MCEE: variants seen among roughly 807,000 people sequenced by gnomAD.
The protein encoded by MCEE is methylmalonyl-CoA epimerase.
Under a neutral mutation model 12.9 loss-of-function variants are expected in MCEE, and 6 were observed. The ratio of observed to expected loss-of-function variants is 0.47; its 90% CI spans 0.26 to 0.92. The LOEUF is 0.92. Ranked by LOEUF, MCEE falls within the 40% of genes least tolerant of loss-of-function variation. The pLI is 0.16. For missense variants in MCEE, 214 were observed against 212.1 expected (o/e 1.01, Z -0.05); for synonymous variants, 78 against 77.9 (o/e 1.00, Z -0.01).
At chr2:71,126,568 C>CA (rs70959207) in intron 1 of MCEE, among the ~76,000 whole-genome samples, 5,284 of 71,988 alleles carry the variant, frequency 0.073, 327 homozygotes, top group East Asian at 0.37. Context: ...TACATTTTAC[C>CA]AAAAAAAAAA....
intron 2 of MCEE, among the ~76,000 whole-genome samples, chr2:71,121,742 T>G (rs1673104328): frequency 6.6e-6 from 1 of 150,614 alleles, no homozygotes; most frequent in Non-Finnish European, 1.5e-5. Context: ...GGGGGTGGGG[T>G]AGGGCTTAGA....
rs1331806007 is a variant in MCEE, at chr2:71,116,099, G to A, written c.379-5977C>T. ...GGGGCTATTTACTTTTCTTTTTTTT[G>A]AGATGGAGTCTTGCTCTGTGGCCCA... On this transcript the variant is annotated intron_variant, in intron 2 of 2. Coordinates refer to ENST00000244217, the MANE Select transcript of MCEE (RefSeq NM_032601.4). 8.0e-5 allele frequency among the ~76,000 whole-genome samples: 12 copies of A among 149,344 alleles called. 1 individual carries two copies. Among genetic ancestry groups the A allele is most frequent in the African/African-American group, 3.1e-4 (12 of 39,216 alleles).
In MCEE at chr2:71,124,562, A is replaced by G; in HGVS notation, c.41-19T>C. ...AAAAGCCCTGAAAAATTGAACAGCC[A>G]TTGATATCCTTCTTTTGAGAATTAA... On this transcript the variant is annotated intron_variant, in intron 1 of 2. Coordinates refer to ENST00000244217, the MANE Select transcript of MCEE (RefSeq NM_032601.4). 6.3e-7 allele frequency: 1 copy of G among 1,579,536 alleles called. No homozygotes were observed. Among genetic ancestry groups the G allele is most frequent in the South Asian group, 1.1e-5 (1 of 90,400 alleles).
rs543097003 is a variant in MCEE at position 71,129,311 on chromosome 2, G to A, written c.40+869C>T. Among the ~76,000 whole-genome samples the A allele has an allele frequency of 2.4e-3, 360 of 152,084 alleles. 1 individual carries two copies. Among genetic ancestry groups the A allele is most frequent in the Non-Finnish European group, 4.6e-3 (311 of 68,024 alleles). On this transcript the variant is annotated intron_variant, in intron 1 of 2. Transcript: ENST00000244217. ...AATATTCATTTATTTATAGTTTTAC[G>A]TTCCTATCTTGTGTATCACCTAAGA...
At chr2:71,129,974 C>T in intron 1 of MCEE, 1 of 647,586 alleles carries the variant, frequency 1.5e-6, no homozygotes, top group Non-Finnish European at 2.8e-6. Context: ...GGAAATGGGA[C>T]TCATGCACAA....
At chr2:71,125,211 A>ATATATT in intron 1 of MCEE, among the ~76,000 whole-genome samples, 15 of 48,608 alleles carry the variant, frequency 3.1e-4, no homozygotes, top group Admixed American at 6.6e-4. Context: ...ATATATATAT[A>ATATATT]TTTTTTTTTT....
rs548137128 is a variant in MCEE at position 71,127,098 on chromosome 2, T to G, written c.41-2555A>C. On this transcript the variant is annotated intron_variant, in intron 1 of 2. Transcript: ENST00000244217. Reference sequence around the variant, plus strand: ...CATGTGCAAATAAATGCATAAGATATTTAAAAACAGAAGTGTTAATAAAAA... The same window carrying G: ...CATGTGCAAATAAATGCATAAGATAGTTAAAAACAGAAGTGTTAATAAAAA... Among the ~76,000 whole-genome samples, 180 of 152,320 alleles carry G rather than the reference T, an allele frequency of 1.2e-3. 1 individual carries two copies. Among genetic ancestry groups the G allele is most frequent in the African/African-American group, 4.3e-3 (178 of 41,562 alleles).
At chr2:71,127,906 G>A (rs1276917428) in intron 1 of MCEE, among the ~76,000 whole-genome samples, 2 of 152,220 alleles carry the variant, frequency 1.3e-5, no homozygotes, top group Non-Finnish European at 2.9e-5. Context: ...GATTACAGGC[G>A]TGAGTCACCG....
intron 1 of MCEE, among the ~76,000 whole-genome samples, chr2:71,128,020 A>G (rs542047655): frequency 2.0e-5 from 3 of 152,366 alleles, no homozygotes; most frequent in African/African-American, 7.2e-5. Context: ...TTAGTCTGGT[A>G]AGTTTTCTCT....
intron 2 of MCEE, among the ~76,000 whole-genome samples, chr2:71,121,740 G>T (rs540028535): frequency 6.6e-6 from 1 of 151,526 alleles, no homozygotes; most frequent in Admixed American, 6.6e-5. Context: ...TGGGGGGTGG[G>T]GTAGGGCTTA....
chr2:71,128,623 G>A (rs1673291953), intron 1 of MCEE, among the ~76,000 whole-genome samples: 1 of 151,284 alleles, frequency 6.6e-6, no homozygotes, highest in Non-Finnish European at 1.5e-5. Flanking sequence ...TCCGCCTCCC[G>A]GGTTCAAGCG....
At chr2:71,126,678 C>G (rs764311545) in intron 1 of MCEE, among the ~76,000 whole-genome samples, 2 of 147,552 alleles carry the variant, frequency 1.4e-5, no homozygotes, top group Non-Finnish European at 3.0e-5. Context: ...TAAAAAGAGA[C>G]AGAGCTTTAT....
At chr2:71,115,027 A>T (rs1466068462) in intron 2 of MCEE, among the ~76,000 whole-genome samples, 1 of 152,194 alleles carries the variant, frequency 6.6e-6, no homozygotes, top group Non-Finnish European at 1.5e-5. Flanking sequence ...TAATTTTGAC[A>T]TTGCAACCCA....
chr2:71,113,672 A>C (rs913351096), intron 2 of MCEE, among the ~76,000 whole-genome samples: 1 of 152,214 alleles, frequency 6.6e-6, no homozygotes, highest in Non-Finnish European at 1.5e-5. Context: ...GGGGAAAAAA[A>C]GTAGTATTAG....
At chr2:71,112,735 C>T (rs1354771372) in intron 2 of MCEE, among the ~76,000 whole-genome samples, 2 of 152,180 alleles carry the variant, frequency 1.3e-5, no homozygotes, top group African/African-American at 2.4e-5. Context: ...TGTTGCCCGG[C>T]CTGGTGTAGT....
At chr2:71,119,879 A>C (rs1335271139) in intron 2 of MCEE, among the ~76,000 whole-genome samples, 1 of 146,974 alleles carries the variant, frequency 6.8e-6, no homozygotes. Flanking sequence ...TATAGCAAGA[A>C]TTTGTCTCTT....
intron 2 of MCEE, among the ~76,000 whole-genome samples, chr2:71,114,031 C>A (rs943876794): frequency 1.3e-5 from 2 of 151,822 alleles, no homozygotes; most frequent in East Asian, 3.9e-4. Context: ...GAACAGTAAT[C>A]TTCAAAAGTG....
At chr2:71,119,004 C>A (rs1010958427) in intron 2 of MCEE, among the ~76,000 whole-genome samples, 2 of 150,074 alleles carry the variant, frequency 1.3e-5, no homozygotes, top group African/African-American at 5.1e-5. Context: ...ATCCCAACAC[C>A]CTGCTTTAGG....
chr2:71,124,063 T>A (rs1392099837), intron 2 of MCEE, 143 bp downstream of exon 2: 2 of 655,918 alleles, frequency 3.0e-6, no homozygotes, highest in African/African-American at 3.6e-5. Flanking sequence ...AGGATCCACC[T>A]TTGAGGAGGA....
Sources: gnomAD v4.1 joint callset for allele counts (sites outside exome capture counted in the v4.1 genomes callset) on GRCh38, gnomAD v4.1.1 for gene constraint, MANE v1.5 for transcripts, NCBI Gene and HGNC (gene_info 2026-07-23, HGNC 2026-07-21) for gene names.